Variants in ZFHX4 observed in about 807,000 individuals in gnomAD.
ZFHX4 encodes the protein zinc finger homeobox protein 4.
In ZFHX4, 56 loss-of-function variants were observed where a neutral mutation model predicts 267.6. That is an observed-to-expected ratio of 0.21 (90% CI 0.17 to 0.26). The LOEUF (loss-of-function observed/expected upper bound fraction) is 0.26, where lower values mean the gene tolerates loss of function less well. Among genes scored for constraint, ZFHX4 ranks in the 10% least tolerant of loss-of-function variants. ZFHX4 has a pLI of 1.00. For synonymous variants in ZFHX4, 1,778 were observed against 1,665.6 expected, an observed-to-expected ratio of 1.07 and a Z score of -1.64; for missense variants, 4,332 against 4,420.0, an observed-to-expected ratio of 0.98 and a Z score of 0.56.
chr8:76,755,558 G>A (rs1038224876), intron 3 of ZFHX4, among the ~76,000 whole-genome samples: 2 of 152,052 alleles, frequency 1.3e-5, no homozygotes, highest in Non-Finnish European at 2.9e-5. Context: ...GTTACAAGAT[G>A]GGCTACATGC....
At chr8:76,756,116 T>C (rs147379334) in intron 3 of ZFHX4, among the ~76,000 whole-genome samples, 34 of 152,332 alleles carry the variant, frequency 2.2e-4, no homozygotes, top group Admixed American at 2.2e-3. Flanking sequence ...TACAGTTGTC[T>C]TAGTGCTTGT....
chr8:76,857,578 G>C lies in ZFHX4; in HGVS notation c.9379+1278G>C, dbSNP rs536296640. Among the ~76,000 whole-genome samples, 8 of 152,096 alleles carry C rather than the reference G, an allele frequency of 5.3e-5. 1 individual carries two copies. Among genetic ancestry groups the C allele is most frequent in the African/African-American group, 1.9e-4 (8 of 41,512 alleles). Reference sequence around the variant, plus strand: ...TCCTATGGCCCCTCAGCCACCGCTAGCTTACCTGGTTTTCTGTTCTGAGTC... The same window carrying C: ...TCCTATGGCCCCTCAGCCACCGCTACCTTACCTGGTTTTCTGTTCTGAGTC... On this transcript the variant is annotated intron_variant, in intron 10 of 10. Transcript: ENST00000651372.
At chr8:76,837,835 T>C (rs2131903255) in intron 5 of ZFHX4, among the ~76,000 whole-genome samples, 1 of 152,290 alleles carries the variant, frequency 6.6e-6, no homozygotes, top group Non-Finnish European at 1.5e-5. Context: ...GAAAATAGCA[T>C]TTATCCAGAA....
chr8:76,844,537 T>G (rs1208564755), intron 6 of ZFHX4, among the ~76,000 whole-genome samples: 2 of 152,110 alleles, frequency 1.3e-5, no homozygotes, highest in Non-Finnish European at 2.9e-5. Flanking sequence ...AGGCTCTATC[T>G]TTACCAGTGC....
At position 76,853,837 on chromosome 8, in the gene ZFHX4, C is replaced by A. The variant is rs1274336018; in HGVS notation, c.6916C>A (p.Arg2306=). The A allele has an allele frequency of 1.2e-6, 2 of 1,613,848 alleles. No individual in the cohort carries two copies. Among genetic ancestry groups the A allele is most frequent in the South Asian group, 2.2e-5 (2 of 91,070 alleles). Reference sequence around the variant, plus strand: ...AGAACTCACTAATGAACGGTACATTCGAACAAGCAACATGCAGTACCAGTG... The same window carrying A: ...AGAACTCACTAATGAACGGTACATTAGAACAAGCAACATGCAGTACCAGTG... ...KRELTNERYI[R]TSNMQYQCKK... Residue 2306 remains arginine, a synonymous_variant, in exon 10 of 11, where the codon CGA becomes AGA. Coordinates refer to ENST00000651372, the MANE Select transcript of ZFHX4 (RefSeq NM_024721.5).
chr8:76,797,395 G>A (rs1214352861), intron 4 of ZFHX4, among the ~76,000 whole-genome samples: 1 of 152,142 alleles, frequency 6.6e-6, no homozygotes, highest in African/African-American at 2.4e-5. Context: ...CCAGAGTCTG[G>A]AAATGCAGAA....
chr8:76,767,068 TG>T (rs1810071230), intron 3 of ZFHX4, among the ~76,000 whole-genome samples: 1 of 151,986 alleles, frequency 6.6e-6, no homozygotes, highest in Admixed American at 6.6e-5. Context: ...TGTGTGTGTG[TG>T]TGTGTATGTG....
At chr8:76,758,872 T>C (rs901547677) in intron 3 of ZFHX4, among the ~76,000 whole-genome samples, 1 of 152,134 alleles carries the variant, frequency 6.6e-6, no homozygotes, top group African/African-American at 2.4e-5. Context: ...CCTTCATTGG[T>C]TGTTCCCTGT....
At chr8:76,750,258 A>G (rs894166859) in intron 3 of ZFHX4, among the ~76,000 whole-genome samples, 2 of 152,136 alleles carry the variant, frequency 1.3e-5, no homozygotes, top group African/African-American at 2.4e-5. Flanking sequence ...CTAAAATTGT[A>G]TTGACTGTAT....
rs1015683113 is a variant in ZFHX4, at chr8:76,776,683, A to G, written c.3094-1525A>G. On this transcript the variant is annotated intron_variant, in intron 3 of 10. Coordinates refer to ENST00000651372, the MANE Select transcript of ZFHX4 (RefSeq NM_024721.5). Reference sequence around the variant, plus strand: ...TTGCAGGTGAAGAGCCATAACTTACATGAGCTACGCTGCACTTCTATTTCT... The same window carrying G: ...TTGCAGGTGAAGAGCCATAACTTACGTGAGCTACGCTGCACTTCTATTTCT... 8.5e-5 allele frequency among the ~76,000 whole-genome samples: 13 copies of G among 152,202 alleles called. No homozygotes were observed. In the East Asian group the frequency reaches 2.5e-3, roughly 29 times the overall value.
At chr8:76,849,373 A>T in intron 7 of ZFHX4, 139 bp from the exon 8 acceptor site, 1 of 875,240 alleles carries the variant, frequency 1.1e-6, no homozygotes, top group Non-Finnish European at 1.8e-6. Flanking sequence ...GGTGATGGAT[A>T]TCCCATTTAC....
At chr8:76,840,390 A>C (rs1431318766) in intron 5 of ZFHX4, among the ~76,000 whole-genome samples, 1 of 152,130 alleles carries the variant, frequency 6.6e-6, no homozygotes, top group African/African-American at 2.4e-5. Flanking sequence ...GATTTCTCAA[A>C]CTGTTGCCAG....
intron 10 of ZFHX4, among the ~76,000 whole-genome samples, chr8:76,859,261 A>T (rs945972691): frequency 2.0e-5 from 3 of 152,162 alleles, no homozygotes; most frequent in African/African-American, 7.2e-5. Context: ...AATATTCATC[A>T]TGTATGCCTG....
chr8:76,761,160 CTG>C (rs894863687), intron 3 of ZFHX4, among the ~76,000 whole-genome samples: 2 of 152,114 alleles, frequency 1.3e-5, no homozygotes, highest in African/African-American at 4.8e-5. Flanking sequence ...TAACCAAACA[CTG>C]TTTTATACAT....
At position 76,863,098 on chromosome 8, in the gene ZFHX4, A is replaced by G; in HGVS notation, c.9384A>G (p.Leu3128=). Residue 3128 remains leucine, a synonymous_variant, in exon 11 of 11, where the codon TTA becomes TTG. Transcript: ENST00000651372. The stretch of plus-strand genomic sequence containing the variant: ...TCTCTCTGTTGTTGTTTTCAGCTTT[A>G]ACACCTCCCGGTGCAGGCATGCTTG... The part of the protein sequence containing the change: ...LPGFPQNSNT[L]TPPGAGMLGF... 2 of 1,508,802 alleles carry G rather than the reference A, an allele frequency of 1.3e-6. No homozygotes were observed. Among genetic ancestry groups the G allele is most frequent in the Non-Finnish European group, 1.8e-6 (2 of 1,128,038 alleles). The allele number at this position is 1,508,802 out of a possible 1,614,324, so 93.5% of individuals were successfully genotyped here.
At chr8:76,755,817 A>G (rs190095545) in intron 3 of ZFHX4, among the ~76,000 whole-genome samples, 2 of 152,202 alleles carry the variant, frequency 1.3e-5, no homozygotes, top group Admixed American at 1.3e-4. Flanking sequence ...GATAGTCTAG[A>G]TCTTACAGTG....
chr8:76,690,481 T>C (rs1358771107), intron 1 of ZFHX4, among the ~76,000 whole-genome samples: 2 of 152,060 alleles, frequency 1.3e-5, no homozygotes, highest in African/African-American at 4.8e-5. Flanking sequence ...GACCAATCAT[T>C]TTTACATTTC....
intron 6 of ZFHX4, among the ~76,000 whole-genome samples, chr8:76,848,158 C>T (rs1228023689): frequency 1.3e-5 from 2 of 152,132 alleles, no homozygotes; most frequent in African/African-American, 4.8e-5. Context: ...TTGTGTTTGT[C>T]ATGAGATGTA....
rs748105335 is a variant in ZFHX4, at chr8:76,852,328, T to C, written c.5407T>C (p.Tyr1803His). 2.6e-6 allele frequency: 4 copies of C among 1,553,756 alleles called. No individual in the cohort carries two copies. The African/African-American group carries it at 4.1e-5, about 16-fold the overall frequency. ...LQILQQQAQQ[Y>H]QATQPQLQPQ... ...GATACTACAGCAACAAGCACAACAA[T>C]ACCAAGCCACACAGCCCCAGCTGCA... The change falls in exon 10 of 11, where the codon TAC becomes CAC. Residue 1803 changes from tyrosine to histidine, a missense_variant. By Grantham distance (83) the Tyr-to-His change is moderately conservative. This residue lies in a region of ZFHX4 where 1,371 missense variants were observed against 1,423.1 expected (regional missense o/e 0.96). Transcript: ENST00000651372.
Sources: gnomAD v4.1 joint callset for allele counts (sites outside exome capture counted in the v4.1 genomes callset) on GRCh38, gnomAD v4.1.1 for gene constraint, gnomAD v4.1.1 regional missense constraint, MANE v1.5 for transcripts, NCBI Gene and HGNC (gene_info 2026-07-23, HGNC 2026-07-21) for gene names.